The following NBAS variants were observed in gnomAD, a reference collection of about 807,000 sequenced individuals.
The protein encoded by NBAS is NAG/BC035112 fusion.
NBAS carries 219 observed loss-of-function variants against 302.5 expected under a neutral mutation model. The ratio of observed to expected loss-of-function variants is 0.72; its 90% CI spans 0.65 to 0.81. The LOEUF is 0.81. NBAS is among the 30% of genes least tolerant of loss of function. The probability of loss-of-function intolerance (pLI) is 0.00; values close to 1 mark genes in which losing one functional copy is unlikely to be tolerated. For synonymous variants in NBAS, 1,118 were observed against 1,021.6 expected (o/e 1.09, Z -1.80); for missense variants, 2,932 against 2,841.6 (o/e 1.03, Z -0.72).
At chr2:14,794,499 A>T in the NBAS span, among the ~76,000 whole-genome samples, 44 of 152,328 alleles carry the variant, frequency 2.9e-4, no homozygotes, top group African/African-American at 1.0e-3. Context: ...CCGAGAAACC[A>T]TTCATTGTAA....
At chr2:15,369,044 GCTA>G (rs1674359456) in intron 31 of NBAS, among the ~76,000 whole-genome samples, 1 of 151,976 alleles carries the variant, frequency 6.6e-6, no homozygotes, top group African/African-American at 2.4e-5. Flanking sequence ...CTCAATATCC[GCTA>G]CTATTTTATG....
At chr2:14,810,244 G>C in the NBAS span, among the ~76,000 whole-genome samples, 1 of 152,180 alleles carries the variant, frequency 6.6e-6, no homozygotes, top group Non-Finnish European at 1.5e-5. Flanking sequence ...GGAGGGGCCA[G>C]GGGCAGGATG....
At chr2:15,314,688 G>A (rs770405151) in intron 38 of NBAS, among the ~76,000 whole-genome samples, 3 of 152,148 alleles carry the variant, frequency 2.0e-5, no homozygotes, top group Non-Finnish European at 4.4e-5. Context: ...ATTTACCTAA[G>A]AGAAATGAAA....
chr2:15,383,924 C>T (rs886081283), intron 28 of NBAS, among the ~76,000 whole-genome samples: 14 of 152,118 alleles, frequency 9.2e-5, no homozygotes, highest in South Asian at 4.1e-4. Context: ...CTCAAGTGAC[C>T]GCCCCAGTAC....
chr2:14,955,475 G>A, the NBAS span, among the ~76,000 whole-genome samples: 1 of 152,224 alleles, frequency 6.6e-6, no homozygotes, highest in African/African-American at 2.4e-5. Flanking sequence ...TCTGTATGGA[G>A]GCTCTGACTC....
the NBAS span, among the ~76,000 whole-genome samples, chr2:15,021,921 T>TC: frequency 2.0e-5 from 3 of 152,142 alleles, no homozygotes; most frequent in Non-Finnish European, 4.4e-5. Flanking sequence ...GGGTTCAGGT[T>TC]CCCCAGCAAA....
At chr2:15,331,996 G>C (rs577392075) in intron 35 of NBAS, among the ~76,000 whole-genome samples, 32 of 152,164 alleles carry the variant, frequency 2.1e-4, no homozygotes, top group Non-Finnish European at 4.0e-4. Context: ...TGAAGGAAGA[G>C]GCAGGAGAGA....
intron 26 of NBAS, among the ~76,000 whole-genome samples, chr2:15,396,878 C>G (rs988963576): frequency 1.3e-5 from 2 of 152,192 alleles, no homozygotes; most frequent in African/African-American, 4.8e-5. Flanking sequence ...ATCTACACAA[C>G]TTAGGACCCC....
intron 11 of NBAS, among the ~76,000 whole-genome samples, chr2:15,490,327 A>G (rs895210547): frequency 6.6e-6 from 1 of 152,218 alleles, no homozygotes; most frequent in Non-Finnish European, 1.5e-5. Context: ...AGCATCCTCT[A>G]ATCACTTTAC....
chr2:15,031,592 G>T, the NBAS span, among the ~76,000 whole-genome samples: 7 of 152,300 alleles, frequency 4.6e-5, no homozygotes, highest in South Asian at 1.2e-3. Context: ...GAGGCAGTTG[G>T]TGTGCCATCT....
chr2:14,834,732 C>T, the NBAS span, among the ~76,000 whole-genome samples: 2 of 152,040 alleles, frequency 1.3e-5, no homozygotes, highest in Non-Finnish European at 2.9e-5. Context: ...AAAGAAGACA[C>T]TTTCAGAAGC....
At chr2:14,834,600 C>A in the NBAS span, among the ~76,000 whole-genome samples, 16 of 152,208 alleles carry the variant, frequency 1.1e-4, no homozygotes, top group Admixed American at 9.8e-4. Flanking sequence ...AACTTACACA[C>A]AGGAAGACTA....
At chr2:15,497,494 T>G (rs192842574) in intron 11 of NBAS, among the ~76,000 whole-genome samples, 1 of 152,242 alleles carries the variant, frequency 6.6e-6, no homozygotes, top group African/African-American at 2.4e-5. Flanking sequence ...TTTTCAGGTA[T>G]CTCCCTTTGG....
chr2:15,009,572 C>T, the NBAS span, among the ~76,000 whole-genome samples: 6 of 148,982 alleles, frequency 4.0e-5, no homozygotes, highest in South Asian at 1.1e-3. Flanking sequence ...GTTGCCACAA[C>T]CACAAGCTAG....
intron 23 of NBAS, among the ~76,000 whole-genome samples, chr2:15,422,924 T>C (rs1450689805): frequency 1.3e-5 from 2 of 152,244 alleles, no homozygotes; most frequent in Non-Finnish European, 1.5e-5. Context: ...TCATTTTTCT[T>C]GTTAGCCAGA....
chr2:15,342,568 T>A (rs1209548326), intron 35 of NBAS, among the ~76,000 whole-genome samples: 1 of 152,008 alleles, frequency 6.6e-6, no homozygotes, highest in Admixed American at 6.6e-5. Flanking sequence ...GAAGGAAACA[T>A]ATGAAGTTAG....
At chr2:15,147,539 C>G in the NBAS span, among the ~76,000 whole-genome samples, 2 of 152,000 alleles carry the variant, frequency 1.3e-5, no homozygotes, top group African/African-American at 2.4e-5. Flanking sequence ...TTGCTGTGAG[C>G]CAAGATCGCA....
intron 21 of NBAS, among the ~76,000 whole-genome samples, chr2:15,444,289 T>C (rs1044023970): frequency 1.3e-4 from 20 of 152,020 alleles, no homozygotes; most frequent in African/African-American, 3.9e-4. Flanking sequence ...CAGCATGGTA[T>C]TGGTACCAAA....
chr2:14,826,783 A>G, the NBAS span, among the ~76,000 whole-genome samples: 16 of 151,978 alleles, frequency 1.1e-4, no homozygotes, highest in African/African-American at 3.6e-4. Context: ...CCTACCCTAA[A>G]CCTCCAGTCC....
Sources: gnomAD v4.1 joint callset for allele counts (sites outside exome capture counted in the v4.1 genomes callset) on GRCh38, gnomAD v4.1.1 for gene constraint, MANE v1.5 for transcripts, NCBI Gene and HGNC (gene_info 2026-07-23, HGNC 2026-07-21) for gene names.